Variants in DOCK9 observed in about 807,000 individuals in gnomAD.
The protein encoded by DOCK9 is dedicator of cytokinesis 9.
DOCK9 carries 89 observed loss-of-function variants against 263.3 expected under a neutral mutation model. That is an observed-to-expected ratio of 0.34 (90% confidence interval 0.28 to 0.40). DOCK9 has a LOEUF of 0.40. DOCK9 is among the 10% of genes least tolerant of loss of function. DOCK9 has a pLI of 1.00. For missense variants in DOCK9, 2,140 were observed against 2,603.4 expected, an observed-to-expected ratio of 0.82 and a Z score of 3.87; for synonymous variants, 976 against 973.1, an observed-to-expected ratio of 1.00 and a Z score of -0.06.
chr13:98,925,324 A>T (rs1386187913), intron 4 of DOCK9, among the ~76,000 whole-genome samples: 1 of 152,174 alleles, frequency 6.6e-6, no homozygotes, highest in East Asian at 1.9e-4. Context: ...CAACTATTCA[A>T]TCTAAATACA....
intron 36 of DOCK9, 122 bp from the exon 37 acceptor site, chr13:98,848,761 T>C (rs2093469047): frequency 2.9e-6 from 3 of 1,021,684 alleles, no homozygotes; most frequent in Non-Finnish European, 4.3e-6. Flanking sequence ...ATAAGTCACA[T>C]CCTCATTCAT....
Position 98,825,855 on chromosome 13 carries a change from C to T in DOCK9, c.5023+975G>A. On this transcript the variant is annotated intron_variant, in intron 44 of 52. Transcript: ENST00000682017. This position sits in a 1 kb window ranked among gnomAD's most constrained non-coding sequence, Gnocchi z 4.1. ...GGGCAGGGGGTCCCCGGGGGCTGGG[C>T]TGATCCTCAGGCTCACCTCCCCGGC... 2 of 1,506,254 alleles carry T rather than the reference C, an allele frequency of 1.3e-6. No homozygotes were observed. Among genetic ancestry groups the T allele is most frequent in the Non-Finnish European group, 1.8e-6 (2 of 1,123,542 alleles). The allele number at this position is 1,506,254 out of a possible 1,614,324, so 93.3% of individuals were successfully genotyped here. A position where few individuals can be genotyped will look rare whatever the true frequency, so the allele number is the denominator to read the frequency against.
chr13:98,898,199 C>A lies in DOCK9; in HGVS notation c.1566G>T (p.Met522Ile). Residue 522 changes from methionine to isoleucine, a missense_variant, in exon 14 of 53, where the codon ATG becomes ATT. By Grantham distance (10) the Met-to-Ile change is conservative. This residue lies in a region of DOCK9 where 1,521 missense variants were observed against 1,741.7 expected (regional missense o/e 0.87). Coordinates refer to ENST00000682017, the MANE Select transcript of DOCK9 (RefSeq NM_001366683.2). Reference protein sequence around the residue: ...QACQRLGQYRMPFAWAARTLF... With the variant: ...QACQRLGQYRIPFAWAARTLF... ...CTTACCTTGCTGCCCAAGCAAATGG[C>A]ATTCTATACTGTCCTAGTCTTTGGC... 5.6e-6 allele frequency: 9 copies of A among 1,611,678 alleles called. No homozygotes were observed. Among genetic ancestry groups the A allele is most frequent in the Non-Finnish European group, 7.6e-6 (9 of 1,178,890 alleles).
upstream of DOCK9, among the ~76,000 whole-genome samples, chr13:98,979,876 T>A (rs1876726852): frequency 6.6e-6 from 1 of 152,224 alleles, no homozygotes; most frequent in Non-Finnish European, 1.5e-5. Context: ...ACAGACTAAC[T>A]GAGCCTTAGT....
chr13:98,979,421 G>T (rs565477432), upstream of DOCK9, among the ~76,000 whole-genome samples: 7 of 152,178 alleles, frequency 4.6e-5, no homozygotes, highest in South Asian at 1.0e-3. Context: ...GGAGGCAGTG[G>T]GGAGAACTGA....
chr13:98,966,926 T>C (rs977736106), intron 1 of DOCK9, among the ~76,000 whole-genome samples: 4 of 152,204 alleles, frequency 2.6e-5, no homozygotes, highest in African/African-American at 9.7e-5. Context: ...ACCTGAAACA[T>C]GTTAGAAATA....
intron 1 of DOCK9, among the ~76,000 whole-genome samples, chr13:99,048,028 G>A (rs1386022460): frequency 6.6e-6 from 1 of 152,082 alleles, no homozygotes; most frequent in Non-Finnish European, 1.5e-5. Context: ...TCCAGTTTGG[G>A]GGCAGCACCA....
chr13:98,885,718 A>C lies in DOCK9; in HGVS notation c.2250T>G (p.Val750=), dbSNP rs1299289745. 1 of 1,610,996 alleles carries C rather than the reference A, an allele frequency of 6.2e-7. No individual in the cohort carries two copies. The highest frequency in any genetic ancestry group is 8.5e-7 in the Non-Finnish European group (1 of 1,179,180). ...GTAAGCCCCCCCAACCTTGGGTTTC[A>C]ACGACATCCCTCTTCTTCGTGCTTC... is the stretch of plus-strand genomic sequence containing the variant. ...SKGSTKKRDV[V]ETQVGYSWLP... The change falls in exon 20 of 53, where the codon GTT becomes GTG. Residue 750 remains valine, a synonymous_variant. Transcript: ENST00000682017.
At chr13:99,045,772 C>G (rs766280812) in intron 1 of DOCK9, among the ~76,000 whole-genome samples, 2 of 151,874 alleles carry the variant, frequency 1.3e-5, no homozygotes, top group Non-Finnish European at 2.9e-5. Flanking sequence ...GCTTAATCAT[C>G]TTTTTAAAAA....
chr13:99,015,685 A>G, intron 1 of DOCK9: 1 of 1,486,008 alleles, frequency 6.7e-7, no homozygotes, highest in Non-Finnish European at 8.9e-7. Flanking sequence ...CTTCCGAAAC[A>G]GGCTCCCACT....
At chr13:98,944,311 T>C (rs1392786067) in intron 2 of DOCK9, among the ~76,000 whole-genome samples, 1 of 135,760 alleles carries the variant, frequency 7.4e-6, no homozygotes, top group East Asian at 2.5e-4. Context: ...TAATGTCAAC[T>C]ACCCACTTAA....
At chr13:98,879,104 A>C (rs2044325439) in intron 27 of DOCK9, among the ~76,000 whole-genome samples, 1 of 152,244 alleles carries the variant, frequency 6.6e-6, no homozygotes, top group Admixed American at 6.5e-5. Flanking sequence ...TGGAAACTTC[A>C]AAATGAGAAA....
chr13:98,883,750 TGCAA>T, intron 22 of DOCK9, 59 bp downstream of exon 22: 1 of 1,122,556 alleles, frequency 8.9e-7, no homozygotes, highest in African/African-American at 1.6e-5. Context: ...TTTTTCTTCT[TGCAA>T]AATGGTGCAA....
chr13:99,087,608 C>T (rs1276844634), upstream of DOCK9, among the ~76,000 whole-genome samples: 1 of 152,312 alleles, frequency 6.6e-6, no homozygotes, highest in East Asian at 1.9e-4. Context: ...AGGGCCCGCT[C>T]CCGCCCCGGC....
At chr13:98,940,712 G>A (rs2140514052) in intron 2 of DOCK9, among the ~76,000 whole-genome samples, 1 of 151,638 alleles carries the variant, frequency 6.6e-6, no homozygotes, top group African/African-American at 2.4e-5. Context: ...CCTCTTCACT[G>A]GCACCTGCAT....
chr13:98,945,890 G>C (rs115061786), intron 2 of DOCK9, among the ~76,000 whole-genome samples: 2,004 of 152,318 alleles, frequency 0.013, 44 homozygotes, highest in African/African-American at 0.046. Flanking sequence ...GAGCAAGGTA[G>C]AGAGGACCAG....
intron 1 of DOCK9, among the ~76,000 whole-genome samples, chr13:99,014,901 T>C (rs1306795966): frequency 6.6e-6 from 1 of 152,156 alleles, no homozygotes; most frequent in African/African-American, 2.4e-5. Context: ...TCAAGACCCT[T>C]CACCCCAAAA....
rs1027851803 is a variant in DOCK9, at chr13:98,829,036, G to A, written c.4965+271C>T. 1.3e-5 allele frequency among the ~76,000 whole-genome samples: 2 copies of A among 152,138 alleles called. No homozygotes were observed. The highest frequency in any genetic ancestry group is 2.9e-5 in the Non-Finnish European group (2 of 68,018). ...TAGAACTACAGAGGAATTTTGATGT[G>A]TATTTTAATTAGCAGGAGACTGTAT... On this transcript the variant is annotated intron_variant, in intron 43 of 52. Transcript: ENST00000682017. This position sits in a 1 kb window ranked among gnomAD's most constrained non-coding sequence, Gnocchi z 4.1.
chr13:99,050,319 G>A (rs545041233), intron 1 of DOCK9, among the ~76,000 whole-genome samples: 54 of 152,202 alleles, frequency 3.5e-4, no homozygotes, highest in Admixed American at 2.7e-3. Flanking sequence ...AGTGATACAC[G>A]AATGGAAATA....
Sources: allele counts gnomAD v4.1 joint callset (sites outside exome capture counted in the v4.1 genomes callset), GRCh38; gene constraint gnomAD v4.1.1; regional missense constraint gnomAD v4.1.1; non-coding constraint Gnocchi (gnomAD v3.1); transcripts MANE v1.5; gene names NCBI Gene and HGNC (gene_info 2026-07-23, HGNC 2026-07-21).